BCL2L1: variants seen among roughly 807,000 people sequenced by gnomAD.
BCL2L1 encodes bcl-2-like protein 1.
In BCL2L1, 1 loss-of-function variant was observed where a neutral mutation model predicts 18.7. That is an observed-to-expected ratio of 0.05 (90% CI 0.02 to 0.25). The LOEUF (loss-of-function observed/expected upper bound fraction) is 0.25. Among genes scored for constraint, BCL2L1 ranks in the 10% least tolerant of loss-of-function variants. The pLI, the probability that BCL2L1 is intolerant of heterozygous loss-of-function variation, is 1.00. For synonymous variants in BCL2L1, 103 were observed against 122.7 expected, an observed-to-expected ratio of 0.84 and a Z score of 1.06; for missense variants, 207 against 304.9, an observed-to-expected ratio of 0.68 and a Z score of 2.39.
At chr20:31,712,962 C>T (rs1322030920) in intron 2 of BCL2L1, among the ~76,000 whole-genome samples, 6 of 152,102 alleles carry the variant, frequency 3.9e-5, no homozygotes, top group African/African-American at 1.4e-4. Context: ...GGAAGGCAGG[C>T]TCTGTTTCAC....
At chr20:31,705,296 C>T (rs1007741679) in intron 2 of BCL2L1, among the ~76,000 whole-genome samples, 2 of 152,194 alleles carry the variant, frequency 1.3e-5, no homozygotes, top group Non-Finnish European at 2.9e-5. Flanking sequence ...TTAATACCTG[C>T]ACCATATGAT....
chr20:31,702,258 C>T (rs970104263), intron 2 of BCL2L1, among the ~76,000 whole-genome samples: 3 of 152,138 alleles, frequency 2.0e-5, no homozygotes, highest in Admixed American at 6.5e-5. Flanking sequence ...GGAACCCATG[C>T]GGCTTGAGTG....
At chr20:31,713,816 GC>G (rs1246398601) in intron 2 of BCL2L1, among the ~76,000 whole-genome samples, 2 of 152,166 alleles carry the variant, frequency 1.3e-5, no homozygotes, top group African/African-American at 4.8e-5. Context: ...TAAAAGACTT[GC>G]CCAAGGTCAC....
chr20:31,693,248 G>A (rs947054349), intron 2 of BCL2L1, among the ~76,000 whole-genome samples: 3 of 149,218 alleles, frequency 2.0e-5, no homozygotes, highest in East Asian at 1.9e-4. Context: ...TAGGAGGATC[G>A]CTTGAAGCCA....
In BCL2L1 at chr20:31,722,245, G is replaced by A. The variant is rs2061647604; in HGVS notation, c.-27C>T. 1 of 1,450,788 alleles carries A rather than the reference G, an allele frequency of 6.9e-7. No homozygotes were observed. The highest frequency in any genetic ancestry group is 9.1e-7 in the Non-Finnish European group (1 of 1,097,010). 89.9% of individuals were successfully genotyped at this position (1,450,788 alleles called of 1,614,324 possible). ...TTTATAATAGGGATGGGCTCAACCA[G>A]TCCATTGTCCAAAACACCTGCTCAC... On this transcript the variant is annotated 5_prime_UTR_variant, in exon 2 of 3. Coordinates refer to ENST00000307677, the MANE Select transcript of BCL2L1 (RefSeq NM_138578.3).
chr20:31,671,607 T>A (rs1365069596), intron 2 of BCL2L1, among the ~76,000 whole-genome samples: 1 of 152,126 alleles, frequency 6.6e-6, no homozygotes, highest in African/African-American at 2.4e-5. Context: ...ACCAGGGGTA[T>A]GCACTGAGGC....
At chr20:31,704,335 G>C (rs1455320975) in intron 2 of BCL2L1, among the ~76,000 whole-genome samples, 2 of 151,850 alleles carry the variant, frequency 1.3e-5, no homozygotes, top group Non-Finnish European at 2.9e-5. Context: ...CTCCCGACCT[G>C]ATGATCCACC....
chr20:31,691,044 T>G (rs976574770), intron 2 of BCL2L1, among the ~76,000 whole-genome samples: 4 of 145,820 alleles, frequency 2.7e-5, no homozygotes, highest in African/African-American at 1.0e-4. Context: ...CCCAGCTAAC[T>G]TGGGAGGCTG....
chr20:31,703,206 G>A (rs778497636), intron 2 of BCL2L1, among the ~76,000 whole-genome samples: 95 of 151,484 alleles, frequency 6.3e-4, no homozygotes, highest in African/African-American at 2.2e-3. Flanking sequence ...CACCATGCCC[G>A]GCTAATTTTG....
chr20:31,705,459 T>C (rs2061357586), intron 2 of BCL2L1, among the ~76,000 whole-genome samples: 1 of 152,170 alleles, frequency 6.6e-6, no homozygotes, highest in African/African-American at 2.4e-5. Context: ...AGAGACCAGA[T>C]TCAAACTCAA....
chr20:31,720,176 C>T (rs867792118), intron 2 of BCL2L1: 1 of 983,490 alleles, frequency 1.0e-6, no homozygotes, highest in Non-Finnish European at 1.2e-6. Flanking sequence ...TTGCCTTTTA[C>T]AAGAGCTGGC....
intron 2 of BCL2L1, among the ~76,000 whole-genome samples, chr20:31,715,680 C>T (rs2061522655): frequency 6.6e-6 from 1 of 152,110 alleles, no homozygotes; most frequent in African/African-American, 2.4e-5. Flanking sequence ...ATATTTTGAA[C>T]TGGTTATTCT....
At chr20:31,703,947 G>A (rs1216903332) in intron 2 of BCL2L1, among the ~76,000 whole-genome samples, 1 of 146,406 alleles carries the variant, frequency 6.8e-6, no homozygotes, top group Non-Finnish European at 1.5e-5. Flanking sequence ...ATAGGCCCAC[G>A]CCACCACACC....
rs543917106 is a variant in BCL2L1 at position 31,665,988 on chromosome 20, G to A, written c.663C>T (p.Ala221=). ...AGAGTGAGCCCAGCAGAACCACGCC[G>A]GCCACAGTCATGCCCGTCAGGAACC... ...NRWFLTGMTV[A]GVVLLGSLFS... The change falls in exon 3 of 3, where the codon GCC becomes GCT. Residue 221 remains alanine (A), a synonymous_variant. Coordinates refer to ENST00000307677, the MANE Select transcript of BCL2L1 (RefSeq NM_138578.3). 49 of 1,614,028 alleles carry A rather than the reference G, an allele frequency of 3.0e-5. No homozygotes were observed. The highest frequency in any genetic ancestry group is 2.7e-4 in the East Asian group (12 of 44,882).
intron 2 of BCL2L1, among the ~76,000 whole-genome samples, chr20:31,702,117 T>C (rs771607491): frequency 6.6e-6 from 1 of 151,980 alleles, no homozygotes; most frequent in Non-Finnish European, 1.5e-5. Context: ...TCAGAGGAGG[T>C]GACCAGCAAG....
At chr20:31,690,740 T>C (rs1469966457) in intron 2 of BCL2L1, among the ~76,000 whole-genome samples, 1 of 152,094 alleles carries the variant, frequency 6.6e-6, no homozygotes, top group Non-Finnish European at 1.5e-5. Context: ...CTGGCTGTTT[T>C]GATAAACTCT....
intron 2 of BCL2L1, among the ~76,000 whole-genome samples, chr20:31,677,902 G>C: frequency 6.6e-6 from 1 of 152,218 alleles, no homozygotes; most frequent in Non-Finnish European, 1.5e-5. Flanking sequence ...GTGCTGAAGA[G>C]TCTGGCTGAG....
intron 2 of BCL2L1, among the ~76,000 whole-genome samples, chr20:31,708,904 C>T (rs1277710449): frequency 2.0e-5 from 3 of 152,188 alleles, no homozygotes; most frequent in African/African-American, 7.2e-5. Context: ...CCAGAGTTGC[C>T]AAAAGGCTTC....
intron 2 of BCL2L1, among the ~76,000 whole-genome samples, chr20:31,695,887 C>A (rs1423855183): frequency 1.3e-5 from 2 of 152,196 alleles, no homozygotes; most frequent in Non-Finnish European, 2.9e-5. Flanking sequence ...CCTTCCTTTT[C>A]CCATCCCTAA....
Sources: allele counts gnomAD v4.1 joint callset (sites outside exome capture counted in the v4.1 genomes callset), GRCh38; gene constraint gnomAD v4.1.1; transcripts MANE v1.5; gene names NCBI Gene and HGNC (gene_info 2026-07-23, HGNC 2026-07-21).